PP2D1: variants seen among roughly 807,000 people sequenced by gnomAD.
The protein encoded by PP2D1 is protein phosphatase 2C like domain containing 1, also known as protein phosphatase 2C-like domain-containing protein 1.
In PP2D1, 25 loss-of-function variants were observed where a neutral mutation model predicts 30.2. The ratio of observed to expected loss-of-function variants is 0.83; its 90% CI spans 0.60 to 1.16. The LOEUF (loss-of-function observed/expected upper bound fraction) is 1.16. Among genes scored for constraint, PP2D1 ranks in the 50% most tolerant of loss-of-function variants. The probability of loss-of-function intolerance (pLI) is 0.00; values close to 1 mark genes in which losing one functional copy is unlikely to be tolerated. For synonymous variants in PP2D1, 260 were observed against 258.9 expected (o/e 1.00, Z -0.04); for missense variants, 760 against 742.4 (o/e 1.02, Z -0.28).
downstream of PP2D1, among the ~76,000 whole-genome samples, chr3:19,982,869 T>G (rs192388348): frequency 1.4e-4 from 22 of 152,268 alleles, no homozygotes; most frequent in Non-Finnish European, 1.2e-4. Context: ...GGGGTGATAA[T>G]TAGTTGCACA....
chr3:19,992,762 T>C (rs1289722773), intron 2 of PP2D1, among the ~76,000 whole-genome samples: 2 of 152,296 alleles, frequency 1.3e-5, no homozygotes, highest in Admixed American at 6.5e-5. Flanking sequence ...AGCTTTAGTC[T>C]TCTGATATAT....
chr3:20,000,895 T>C (rs2125143954), intron 2 of PP2D1, 135 bp downstream of exon 2: 3 of 434,010 alleles, frequency 6.9e-6, no homozygotes, highest in Middle Eastern at 7.0e-4. Flanking sequence ...TTGTTGTTTC[T>C]TATATTGATC....
At chr3:20,004,030 T>A (rs1199466726) in intron 1 of PP2D1, among the ~76,000 whole-genome samples, 1 of 152,210 alleles carries the variant, frequency 6.6e-6, no homozygotes, top group African/African-American at 2.4e-5. Flanking sequence ...GTTTATAACA[T>A]CTGCAGTAGT....
intron 2 of PP2D1, among the ~76,000 whole-genome samples, chr3:19,987,420 T>A (rs749183449): frequency 3.9e-5 from 6 of 152,208 alleles, no homozygotes; most frequent in Non-Finnish European, 7.3e-5. Context: ...TATAGAAAGT[T>A]ATTAAACTTC....
chr3:19,986,880 CA>C lies in PP2D1; in HGVS notation c.1091-699del, dbSNP rs200653282. 6.5e-3 allele frequency among the ~76,000 whole-genome samples: 981 copies of C among 152,014 alleles called. 7 individuals are homozygous for C. Among genetic ancestry groups the C allele is most frequent in the African/African-American group, 0.022 (908 of 41,474 alleles). On this transcript the variant is annotated intron_variant, in intron 2 of 2. Coordinates refer to ENST00000389050, the MANE Select transcript of PP2D1 (RefSeq NM_001252657.2). ...AGAAACCCCATCTCTACTAAAAATA[CA>C]AAAAATTAGCCGGACGTGGTGGCCA...
At chr3:19,982,220 A>G (rs909700396), downstream of PP2D1, among the ~76,000 whole-genome samples, 5 of 152,242 alleles carry the variant, frequency 3.3e-5, no homozygotes, top group African/African-American at 1.2e-4. Flanking sequence ...CTTGGGCTAC[A>G]GAGGGAGACC....
intron 2 of PP2D1, among the ~76,000 whole-genome samples, chr3:19,986,520 T>C (rs1412583223): frequency 2.0e-5 from 3 of 152,240 alleles, no homozygotes; most frequent in Non-Finnish European, 4.4e-5. Flanking sequence ...TTGAACTTTT[T>C]TATAGCCAAC....
At chr3:19,997,530 T>C (rs1028687088) in intron 2 of PP2D1, among the ~76,000 whole-genome samples, 3 of 152,170 alleles carry the variant, frequency 2.0e-5, no homozygotes, top group Non-Finnish European at 2.9e-5. Flanking sequence ...ACTGAGTATG[T>C]AGCCAATGGA....
At chr3:20,008,100 C>A (rs1309520383) in intron 1 of PP2D1, 1 of 159,046 alleles carries the variant, frequency 6.3e-6, no homozygotes. Context: ...AGGTCGCCAG[C>A]ACGCTGGACG....
At chr3:19,983,876 C>G, downstream of PP2D1, 3 of 1,256,992 alleles carry the variant, frequency 2.4e-6, no homozygotes, top group Non-Finnish European at 3.4e-6. Context: ...ATGTTAATAA[C>G]AATGGAATTG....
At chr3:19,985,183 C>A, downstream of PP2D1, 1 of 513,920 alleles carries the variant, frequency 1.9e-6, no homozygotes, top group Non-Finnish European at 3.4e-6. Flanking sequence ...CAAGTATCGG[C>A]TTTTCTCTTT....
At chr3:19,990,023 A>G (rs1373659022) in intron 2 of PP2D1, among the ~76,000 whole-genome samples, 2 of 151,748 alleles carry the variant, frequency 1.3e-5, no homozygotes, top group Admixed American at 1.3e-4. Context: ...TTCCTGTGCT[A>G]CAGAGTAGGA....
chr3:19,995,430 G>A (rs1697168563), intron 2 of PP2D1, among the ~76,000 whole-genome samples: 1 of 109,312 alleles, frequency 9.1e-6, no homozygotes, highest in South Asian at 3.0e-4. Flanking sequence ...GCCACCATAA[G>A]CTGGAAGACC....
intron 2 of PP2D1, among the ~76,000 whole-genome samples, chr3:19,989,343 G>A (rs1320795375): frequency 2.6e-5 from 4 of 152,104 alleles, no homozygotes; most frequent in Non-Finnish European, 5.9e-5. Context: ...GCCTAAATTG[G>A]TAAAGCATTA....
At chr3:20,010,873 G>A (rs62241334) in intron 1 of PP2D1, among the ~76,000 whole-genome samples, 23,911 of 152,058 alleles carry the variant, frequency 0.16, 2,476 homozygotes, top group Non-Finnish European at 0.23. Flanking sequence ...ACCGTGCAAG[G>A]TGCTGAGATG....
chr3:19,992,733 C>T (rs1272496603), intron 2 of PP2D1, among the ~76,000 whole-genome samples: 1 of 152,166 alleles, frequency 6.6e-6, no homozygotes, highest in East Asian at 1.9e-4. Flanking sequence ...GTTATATAAC[C>T]TTGTATAATG....
At chr3:19,987,151 T>C (rs1697050051) in intron 2 of PP2D1, among the ~76,000 whole-genome samples, 1 of 152,218 alleles carries the variant, frequency 6.6e-6, no homozygotes, top group Non-Finnish European at 1.5e-5. Flanking sequence ...TAAAAGTTGA[T>C]TGTAGTTTGT....
chr3:19,995,476 C>T (rs1697169115), intron 2 of PP2D1, among the ~76,000 whole-genome samples: 1 of 152,146 alleles, frequency 6.6e-6, no homozygotes, highest in African/African-American at 2.4e-5. Flanking sequence ...AGGCATGGCC[C>T]TGTGAACACC....
chr3:19,988,175 A>G (rs1288960159), intron 2 of PP2D1, among the ~76,000 whole-genome samples: 2 of 152,220 alleles, frequency 1.3e-5, no homozygotes, highest in Non-Finnish European at 2.9e-5. Flanking sequence ...GGAGATAACC[A>G]TCAGGTATCA....
Sources: gnomAD v4.1 joint callset for allele counts (sites outside exome capture counted in the v4.1 genomes callset) on GRCh38, gnomAD v4.1.1 for gene constraint, MANE v1.5 for transcripts, NCBI Gene and HGNC (gene_info 2026-07-23, HGNC 2026-07-21) for gene names.